RIN3: variants seen among roughly 807,000 people sequenced by gnomAD.
RIN3 encodes the protein Ras and Rab interactor 3.
Under a neutral mutation model 76.3 loss-of-function variants are expected in RIN3, and 54 were observed. That is an observed-to-expected ratio of 0.71 (90% CI 0.57 to 0.89). The LOEUF is 0.89. Ranked by LOEUF, RIN3 falls within the 40% of genes least tolerant of loss-of-function variation. The probability of loss-of-function intolerance (pLI) is 0.00; values close to 1 mark genes in which losing one functional copy is unlikely to be tolerated. For missense variants in RIN3, 1,256 were observed against 1,322.1 expected (o/e 0.95, Z 0.78); for synonymous variants, 576 against 564.0 (o/e 1.02, Z -0.30).
intron 1 of RIN3, among the ~76,000 whole-genome samples, chr14:92,519,773 G>A (rs1161088339): frequency 4.6e-5 from 7 of 152,222 alleles, no homozygotes; most frequent in African/African-American, 1.4e-4. Context: ...GTAGTACAGC[G>A]AAGCCAGTCC....
intron 3 of RIN3, among the ~76,000 whole-genome samples, chr14:92,612,531 T>G (rs1367912232): frequency 1.3e-5 from 2 of 152,238 alleles, no homozygotes; most frequent in African/African-American, 2.4e-5. Flanking sequence ...CTAGGGTGTC[T>G]TTCCCAGACA....
At chr14:92,630,273 T>C (rs1252815785) in intron 4 of RIN3, among the ~76,000 whole-genome samples, 1 of 152,166 alleles carries the variant, frequency 6.6e-6, no homozygotes, top group East Asian at 1.9e-4. Context: ...GGTGGATCAC[T>C]TGACGTCAGG....
intron 4 of RIN3, among the ~76,000 whole-genome samples, chr14:92,630,842 A>G (rs1319026570): frequency 6.6e-6 from 1 of 152,168 alleles, no homozygotes; most frequent in African/African-American, 2.4e-5. Flanking sequence ...TTGGAGACCC[A>G]TCACTTAGAA....
At chr14:92,636,250 A>G (rs1886771039) in intron 4 of RIN3, among the ~76,000 whole-genome samples, 1 of 152,120 alleles carries the variant, frequency 6.6e-6, no homozygotes, top group Admixed American at 6.6e-5. Context: ...GAGGGAGGGA[A>G]AGAGAGAGAG....
intron 3 of RIN3, among the ~76,000 whole-genome samples, chr14:92,587,982 G>A (rs890674698): frequency 1.3e-5 from 2 of 152,154 alleles, no homozygotes; most frequent in African/African-American, 4.8e-5. Context: ...GCTCCTTGAA[G>A]CTGTGTTCTC....
At chr14:92,545,912 G>GT (rs1273253274) in intron 1 of RIN3, among the ~76,000 whole-genome samples, 2 of 81,758 alleles carry the variant, frequency 2.4e-5, no homozygotes, top group Non-Finnish European at 5.2e-5. Flanking sequence ...ATTGATTCTG[G>GT]CCCTTTTCTT....
At chr14:92,531,964 T>C in intron 1 of RIN3, among the ~76,000 whole-genome samples, 1 of 151,612 alleles carries the variant, frequency 6.6e-6, no homozygotes, top group African/African-American at 2.4e-5. Context: ...AGTCTCACTC[T>C]GTAGCCCAGG....
intron 9 of RIN3, 68 bp from the exon 10 acceptor site, chr14:92,687,858 T>A (rs1888923085): frequency 2.9e-6 from 4 of 1,383,274 alleles, no homozygotes; most frequent in Non-Finnish European, 3.8e-6. Context: ...GGGAGGGGCC[T>A]GGGCCGGGAG....
chr14:92,654,806 G>A (rs1043852221), intron 6 of RIN3, among the ~76,000 whole-genome samples: 15 of 152,206 alleles, frequency 9.9e-5, no homozygotes, highest in African/African-American at 3.6e-4. Flanking sequence ...AGACAGAGGT[G>A]AGCAAAGCAC....
chr14:92,564,647 G>A (rs1040856663), intron 2 of RIN3, among the ~76,000 whole-genome samples: 6 of 152,190 alleles, frequency 3.9e-5, no homozygotes, highest in East Asian at 1.9e-4. Context: ...ACCATTGCCC[G>A]CTGTTTTTTT....
intron 1 of RIN3, among the ~76,000 whole-genome samples, chr14:92,533,219 T>C (rs1896923688): frequency 6.6e-6 from 1 of 152,272 alleles, no homozygotes; most frequent in African/African-American, 2.4e-5. Flanking sequence ...TCCAGTGTGA[T>C]AGCCACTAGT....
chr14:92,578,471 C>T (rs1898328494), intron 3 of RIN3, among the ~76,000 whole-genome samples: 1 of 152,150 alleles, frequency 6.6e-6, no homozygotes. Context: ...GGTACTTCTC[C>T]CCCTCTGCCC....
At chr14:92,584,380 C>T (rs1299607260) in intron 3 of RIN3, among the ~76,000 whole-genome samples, 2 of 152,218 alleles carry the variant, frequency 1.3e-5, no homozygotes, top group East Asian at 3.8e-4. Flanking sequence ...CTTCCCTTCA[C>T]ATCTCATTGG....
intron 1 of RIN3, among the ~76,000 whole-genome samples, chr14:92,530,705 G>T (rs1033482084): frequency 1.8e-4 from 28 of 152,098 alleles, no homozygotes; most frequent in African/African-American, 6.3e-4. Flanking sequence ...CCTAGCCCCT[G>T]AACTCCCTGC....
intron 2 of RIN3, among the ~76,000 whole-genome samples, chr14:92,558,888 T>TTC (rs10627917): frequency 1.7e-4 from 3 of 18,124 alleles, no homozygotes; most frequent in Non-Finnish European, 3.1e-4. Flanking sequence ...TTTTCTTTTC[T>TTC]TTTTTTTTTT....
intron 7 of RIN3, among the ~76,000 whole-genome samples, chr14:92,663,275 G>A (rs1342510838): frequency 2.0e-5 from 3 of 152,206 alleles, no homozygotes; most frequent in South Asian, 2.1e-4. Context: ...CAATGAATTC[G>A]CTTCCTAAAA....
chr14:92,575,830 C>T (rs531913621), intron 2 of RIN3, among the ~76,000 whole-genome samples: 1 of 152,240 alleles, frequency 6.6e-6, no homozygotes, highest in East Asian at 1.9e-4. Flanking sequence ...CCTATCTTAT[C>T]CTGTGACTTA....
intron 6 of RIN3, among the ~76,000 whole-genome samples, chr14:92,658,954 C>T (rs944086444): frequency 6.6e-6 from 1 of 152,210 alleles, no homozygotes; most frequent in Non-Finnish European, 1.5e-5. Flanking sequence ...TTCCCAGGGG[C>T]TCCTGTGCCA....
At chr14:92,616,443 T>C (rs1448880152) in intron 4 of RIN3, among the ~76,000 whole-genome samples, 2 of 152,176 alleles carry the variant, frequency 1.3e-5, no homozygotes, top group African/African-American at 4.8e-5. Flanking sequence ...GCCTACACTG[T>C]ATGGAGAGGA....
Sources: allele counts gnomAD v4.1 joint callset (sites outside exome capture counted in the v4.1 genomes callset), GRCh38; gene constraint gnomAD v4.1.1; transcripts MANE v1.5; gene names NCBI Gene and HGNC (gene_info 2026-07-23, HGNC 2026-07-21).